The following CFAP54 variants were observed in gnomAD, a reference collection of about 807,000 sequenced individuals.
CFAP54 encodes cilia and flagella associated protein 54, also known as cilia- and flagella-associated protein 54.
In CFAP54, 290 loss-of-function variants were observed where a neutral mutation model predicts 370.4. The observed-to-expected ratio is 0.78, with a 90% CI of 0.71 to 0.86. The LOEUF (loss-of-function observed/expected upper bound fraction) is 0.86, where lower values mean the gene tolerates loss of function less well. CFAP54 is among the 40% of genes least tolerant of loss of function. The pLI is 0.00. For missense variants in CFAP54, 3,399 were observed against 3,528.7 expected, an observed-to-expected ratio of 0.96 and a Z score of 0.93; for synonymous variants, 1,206 against 1,236.5, an observed-to-expected ratio of 0.98 and a Z score of 0.52.
chr12:96,518,163 A>C (rs1374434543), intron 5 of CFAP54, among the ~76,000 whole-genome samples: 1 of 152,216 alleles, frequency 6.6e-6, no homozygotes, highest in Non-Finnish European at 1.5e-5. Context: ...AGGTGGTAAA[A>C]TTGGGACCAA....
intron 26 of CFAP54, among the ~76,000 whole-genome samples, chr12:96,601,907 G>A (rs1427283607): frequency 2.0e-5 from 3 of 152,110 alleles, no homozygotes; most frequent in Non-Finnish European, 4.4e-5. Context: ...CAAAAAACGA[G>A]CTCCTGGATT....
At chr12:96,825,816 A>C (rs181004995) in intron 65 of CFAP54, among the ~76,000 whole-genome samples, 1 of 131,644 alleles carries the variant, frequency 7.6e-6, no homozygotes, top group Non-Finnish European at 1.5e-5. Context: ...TATAATATAT[A>C]AATATATAAA....
intron 22 of CFAP54, among the ~76,000 whole-genome samples, chr12:96,581,703 CGT>C (rs1956034784): frequency 6.6e-6 from 1 of 151,516 alleles, no homozygotes; most frequent in African/African-American, 2.4e-5. Context: ...TGCACACACA[CGT>C]GTATATGAAT....
At chr12:96,690,540 C>T (rs1957377441) in intron 43 of CFAP54, among the ~76,000 whole-genome samples, 2 of 152,090 alleles carry the variant, frequency 1.3e-5, no homozygotes, top group South Asian at 4.1e-4. Context: ...TTCATTTAAG[C>T]AGGTAAAAGT....
chr12:96,510,910 C>G (rs1465519598), intron 4 of CFAP54, among the ~76,000 whole-genome samples: 1 of 148,336 alleles, frequency 6.7e-6, no homozygotes, highest in Admixed American at 6.9e-5. Context: ...TCACCGTGAG[C>G]TGAGATTGCA....
At chr12:96,522,496 C>T (rs1478560662) in intron 8 of CFAP54, among the ~76,000 whole-genome samples, 2 of 152,178 alleles carry the variant, frequency 1.3e-5, no homozygotes, top group African/African-American at 2.4e-5. Context: ...AGTGGTTCTG[C>T]ACTTGCCTTT....
At chr12:96,600,948 T>G (rs910978321) in intron 26 of CFAP54, among the ~76,000 whole-genome samples, 1 of 152,202 alleles carries the variant, frequency 6.6e-6, no homozygotes, top group Non-Finnish European at 1.5e-5. Context: ...GAATACCCTT[T>G]ATTTCTTTCT....
chr12:96,687,415 T>C (rs1202582718), intron 42 of CFAP54, among the ~76,000 whole-genome samples: 1 of 152,184 alleles, frequency 6.6e-6, no homozygotes, highest in Non-Finnish European at 1.5e-5. Context: ...ATATCTGAAG[T>C]ATTTCAAATT....
chr12:96,621,781 TGTA>T, intron 27 of CFAP54, 60 bp downstream of exon 27: 2 of 1,313,842 alleles, frequency 1.5e-6, no homozygotes, highest in Non-Finnish European at 2.0e-6. Context: ...TTAGGGGTAA[TGTA>T]GTATTATTAA....
At chr12:96,674,559 C>A (rs532463390) in intron 39 of CFAP54, among the ~76,000 whole-genome samples, 1 of 151,800 alleles carries the variant, frequency 6.6e-6, no homozygotes, top group African/African-American at 2.4e-5. Context: ...CCACCACCAA[C>A]AGAACCCTAA....
intron 26 of CFAP54, among the ~76,000 whole-genome samples, chr12:96,613,871 A>G (rs941466419): frequency 1.1e-4 from 17 of 152,190 alleles, no homozygotes; most frequent in Non-Finnish European, 2.1e-4. Context: ...GCAATAATTA[A>G]TAGCCTAGCA....
intron 65 of CFAP54, 80 bp downstream of exon 65, chr12:96,817,993 T>A: frequency 9.8e-7 from 1 of 1,019,762 alleles, no homozygotes; most frequent in Non-Finnish European, 1.3e-6. Context: ...TAACTGGACT[T>A]AAACTCTGTA....
intron 19 of CFAP54, among the ~76,000 whole-genome samples, chr12:96,572,103 C>A (rs1955925218): frequency 6.6e-6 from 1 of 152,136 alleles, no homozygotes; most frequent in Non-Finnish European, 1.5e-5. Flanking sequence ...AAAGATTACC[C>A]TTTTCTTTCA....
chr12:96,588,927 A>C (rs976554103), intron 22 of CFAP54, among the ~76,000 whole-genome samples: 1 of 152,202 alleles, frequency 6.6e-6, no homozygotes, highest in Non-Finnish European at 1.5e-5. Flanking sequence ...TCTCTGTTTT[A>C]TTCTATACTC....
At chr12:96,782,735 C>T (rs978687639) in intron 60 of CFAP54, among the ~76,000 whole-genome samples, 2 of 151,880 alleles carry the variant, frequency 1.3e-5, no homozygotes, top group East Asian at 1.9e-4. Context: ...AAAGTGATGC[C>T]AAAATTTATA....
chr12:96,621,815 G>T, intron 27 of CFAP54, 94 bp downstream of exon 27: 6 of 735,894 alleles, frequency 8.2e-6, no homozygotes, highest in African/African-American at 2.1e-5. Flanking sequence ...AAATTGGTAA[G>T]TTTTACATTT....
intron 8 of CFAP54, among the ~76,000 whole-genome samples, chr12:96,525,725 C>T (rs1955372612): frequency 6.6e-6 from 1 of 152,212 alleles, no homozygotes; most frequent in Non-Finnish European, 1.5e-5. Flanking sequence ...GAGTCTCACT[C>T]TGTCACCTAG....
intron 46 of CFAP54, among the ~76,000 whole-genome samples, chr12:96,703,081 A>G (rs1231782501): frequency 6.6e-6 from 1 of 152,152 alleles, no homozygotes; most frequent in Non-Finnish European, 1.5e-5. Flanking sequence ...CAAAGAAGGG[A>G]AAAATTTTTA....
intron 32 of CFAP54, among the ~76,000 whole-genome samples, chr12:96,635,872 A>G (rs1956659159): frequency 3.3e-5 from 5 of 152,214 alleles, no homozygotes; most frequent in Admixed American, 3.3e-4. Flanking sequence ...CACAGGAGCT[A>G]CTGTCCCTGT....
Sources: allele counts gnomAD v4.1 joint callset (sites outside exome capture counted in the v4.1 genomes callset), GRCh38; gene constraint gnomAD v4.1.1; transcripts MANE v1.5; gene names NCBI Gene and HGNC (gene_info 2026-07-23, HGNC 2026-07-21).